AFF2: variants seen among roughly 807,000 people sequenced by gnomAD.
AFF2 encodes the protein ALF transcription elongation factor 2.
In AFF2, 14 loss-of-function variants were observed where a neutral mutation model predicts 76.9. The observed-to-expected ratio is 0.18, with a 90% CI of 0.12 to 0.28. The LOEUF (loss-of-function observed/expected upper bound fraction) is 0.28. AFF2 is among the 10% of genes least tolerant of loss of function. The probability of loss-of-function intolerance (pLI) is 1.00; values close to 1 mark genes in which losing one functional copy is unlikely to be tolerated. For missense variants in AFF2, 868 were observed against 1,001.1 expected, an observed-to-expected ratio of 0.87 and a Z score of 1.79; for synonymous variants, 398 against 366.7, an observed-to-expected ratio of 1.09 and a Z score of -0.98.
intron 4 of AFF2, among the ~76,000 whole-genome samples, chrX:148,818,321 A>G (rs2070290558): frequency 8.9e-6 from 1 of 112,168 alleles, no homozygotes; most frequent in South Asian, 3.7e-4. Context: ...AGCAACTATA[A>G]GATGTAATGG....
chrX:148,758,846 T>G (rs139211720), intron 3 of AFF2, among the ~76,000 whole-genome samples: 2,967 of 111,861 alleles, frequency 0.027, 100 homozygotes, highest in African/African-American at 0.09. Flanking sequence ...TCAGAGAGTA[T>G]GAACATTTTT....
At chrX:148,990,583 A>G (rs1315981746) in intron 20 of AFF2, among the ~76,000 whole-genome samples, 2 of 112,467 alleles carry the variant, frequency 1.8e-5, no homozygotes, top group African/African-American at 6.5e-5. Context: ...AAGTGAACCA[A>G]GGGGAAATCA....
intron 7 of AFF2, among the ~76,000 whole-genome samples, chrX:148,849,386 C>T (rs1183309983): frequency 2.3e-5 from 1 of 43,266 alleles, no homozygotes; most frequent in Non-Finnish European, 4.6e-5. Flanking sequence ...CCCCCCCCCC[C>T]GCTGACCACC....
chrX:148,576,578 G>T (rs1265388039), intron 1 of AFF2, among the ~76,000 whole-genome samples: 3 of 111,317 alleles, frequency 2.7e-5, no homozygotes, highest in African/African-American at 9.8e-5. Flanking sequence ...CTTAGGGCAT[G>T]CAAGGAGAAC....
chrX:148,936,109 CT>C (rs782320449), intron 9 of AFF2, among the ~76,000 whole-genome samples: 3 of 110,505 alleles, frequency 2.7e-5, no homozygotes, highest in African/African-American at 6.6e-5. Context: ...TGTAGGGCAG[CT>C]TTTTTTTAAG....
At chrX:148,531,737 T>G (rs1205622314) in intron 1 of AFF2, among the ~76,000 whole-genome samples, 1 of 112,328 alleles carries the variant, frequency 8.9e-6, no homozygotes, top group African/African-American at 3.2e-5. Context: ...TATGTTAAGT[T>G]GGAAGTATTT....
intron 1 of AFF2, among the ~76,000 whole-genome samples, chrX:148,509,414 C>T (rs2052458647): frequency 8.9e-6 from 1 of 111,839 alleles, no homozygotes; most frequent in African/African-American, 3.3e-5. Flanking sequence ...TCACATTCAT[C>T]ACATAATTGC....
chrX:148,906,670 C>T (rs1883125265), intron 9 of AFF2, among the ~76,000 whole-genome samples: 1 of 111,919 alleles, frequency 8.9e-6, no homozygotes, highest in African/African-American at 3.2e-5. Flanking sequence ...TTTGGGTCCC[C>T]TCACACTGTA....
chrX:148,717,183 G>A (rs1179450721), intron 3 of AFF2, among the ~76,000 whole-genome samples: 2 of 111,582 alleles, frequency 1.8e-5, no homozygotes, highest in African/African-American at 3.3e-5. Flanking sequence ...ATGGACAAAC[G>A]AATACACAAA....
intron 3 of AFF2, among the ~76,000 whole-genome samples, chrX:148,672,379 C>T (rs781918030): frequency 5.1e-3 from 576 of 112,049 alleles, no homozygotes; most frequent in Non-Finnish European, 5.6e-3. Flanking sequence ...ATTTTCTTTT[C>T]TGCAGAAACT....
At chrX:148,541,991 A>G (rs2052862465) in intron 1 of AFF2, among the ~76,000 whole-genome samples, 1 of 108,342 alleles carries the variant, frequency 9.2e-6, no homozygotes, top group Non-Finnish European at 1.9e-5. Flanking sequence ...GAACCTTTGT[A>G]TTAGGAATCA....
intron 1 of AFF2, among the ~76,000 whole-genome samples, chrX:148,643,847 T>C (rs1490431764): frequency 3.6e-5 from 4 of 111,798 alleles, no homozygotes; most frequent in African/African-American, 1.3e-4. Context: ...CCATATCTCT[T>C]AGCCAACAGT....
At chrX:148,734,913 GAGA>G (rs2055267506) in intron 3 of AFF2, among the ~76,000 whole-genome samples, 1 of 111,990 alleles carries the variant, frequency 8.9e-6, no homozygotes. Flanking sequence ...TTTAGATCCA[GAGA>G]AGGAGACTGT....
intron 19 of AFF2, among the ~76,000 whole-genome samples, chrX:148,983,714 C>T (rs1488044855): frequency 9.1e-6 from 1 of 109,336 alleles, no homozygotes; most frequent in Non-Finnish European, 1.9e-5. Flanking sequence ...CCTATCATTC[C>T]CCAAATATTT....
intron 1 of AFF2, among the ~76,000 whole-genome samples, chrX:148,505,937 C>T (rs1487535276): frequency 9.8e-6 from 1 of 102,465 alleles, no homozygotes; most frequent in African/African-American, 3.7e-5. Flanking sequence ...TTGAAGAAAC[C>T]TTTTTGAGTG....
intron 1 of AFF2, among the ~76,000 whole-genome samples, chrX:148,553,801 A>G (rs1191521100): frequency 8.9e-6 from 1 of 112,323 alleles, no homozygotes; most frequent in Admixed American, 9.4e-5. Flanking sequence ...TTTGCCAATG[A>G]AGGACAATCT....
chrX:148,895,489 T>C (rs1557280209), intron 8 of AFF2, among the ~76,000 whole-genome samples: 2 of 111,222 alleles, frequency 1.8e-5, no homozygotes, highest in Admixed American at 9.5e-5. Flanking sequence ...TTTTGTCTTA[T>C]TGACAACAAG....
chrX:148,829,172 A>T (rs781972145), intron 4 of AFF2, among the ~76,000 whole-genome samples: 18 of 112,726 alleles, frequency 1.6e-4, no homozygotes, highest in Non-Finnish European at 3.0e-4. Flanking sequence ...AGTTAGTGTT[A>T]GAAACTTTTA....
At chrX:148,937,617 C>A (rs1557285151) in intron 9 of AFF2, among the ~76,000 whole-genome samples, 1 of 111,770 alleles carries the variant, frequency 8.9e-6, no homozygotes, top group African/African-American at 3.3e-5. Flanking sequence ...CAAGCTTGTA[C>A]AAACAAGCGC....
Sources: gnomAD v4.1 joint callset for allele counts (sites outside exome capture counted in the v4.1 genomes callset) on GRCh38, gnomAD v4.1.1 for gene constraint, MANE v1.5 for transcripts, NCBI Gene and HGNC (gene_info 2026-07-23, HGNC 2026-07-21) for gene names.